Variants in RALYL observed in about 807,000 individuals in gnomAD.
RALYL encodes the protein RALY RNA binding protein like.
A neutral mutation model predicts 35.1 loss-of-function variants in RALYL; 29 were observed. The ratio of observed to expected loss-of-function variants is 0.83; its 90% CI spans 0.61 to 1.13. The LOEUF (loss-of-function observed/expected upper bound fraction) is 1.13, where lower values mean the gene tolerates loss of function less well. Ranked by LOEUF, RALYL falls within the 50% of genes most tolerant of loss-of-function variation. The pLI is 0.00. For synonymous variants in RALYL, 120 were observed against 127.6 expected (o/e 0.94, Z 0.40); for missense variants, 359 against 360.4 (o/e 1.00, Z 0.03).
intron 7 of RALYL, among the ~76,000 whole-genome samples, chr8:84,878,290 G>A (rs1841547173): frequency 6.6e-6 from 1 of 152,146 alleles, no homozygotes; most frequent in South Asian, 2.1e-4. Flanking sequence ...CTGTAGAAAT[G>A]CCCACCTTCT....
chr8:84,496,559 A>T (rs1409610416), intron 1 of RALYL, among the ~76,000 whole-genome samples: 1 of 152,166 alleles, frequency 6.6e-6, no homozygotes, highest in Admixed American at 6.5e-5. Context: ...ATACACTTAA[A>T]TCATTTGGAA....
At chr8:84,617,929 C>T (rs1252557941) in intron 2 of RALYL, among the ~76,000 whole-genome samples, 1 of 151,800 alleles carries the variant, frequency 6.6e-6, no homozygotes, top group Non-Finnish European at 1.5e-5. Flanking sequence ...AGCCTTGCAT[C>T]CCAGGGATGA....
intron 2 of RALYL, among the ~76,000 whole-genome samples, chr8:84,729,482 G>A (rs1845692510): frequency 6.6e-6 from 1 of 151,932 alleles, no homozygotes; most frequent in African/African-American, 2.4e-5. Flanking sequence ...AACTAGAAAA[G>A]CAAGAGCAAA....
chr8:84,310,590 A>G, intron 1 of RALYL, among the ~76,000 whole-genome samples: 1 of 152,168 alleles, frequency 6.6e-6, no homozygotes, highest in East Asian at 1.9e-4. Context: ...GAGCAAAATA[A>G]TATAAACAAG....
chr8:84,238,457 G>T (rs1023598211), intron 1 of RALYL, among the ~76,000 whole-genome samples: 1 of 151,948 alleles, frequency 6.6e-6, no homozygotes, highest in Non-Finnish European at 1.5e-5. Flanking sequence ...GATGCCACAT[G>T]CATCCTAGGT....
At chr8:84,594,959 T>C (rs1462312167) in intron 2 of RALYL, among the ~76,000 whole-genome samples, 2 of 152,074 alleles carry the variant, frequency 1.3e-5, no homozygotes, top group Admixed American at 6.6e-5. Context: ...TAACATCTTA[T>C]ATCATTGACA....
chr8:84,688,690 A>G (rs551594138), intron 2 of RALYL, among the ~76,000 whole-genome samples: 78 of 152,288 alleles, frequency 5.1e-4, no homozygotes, highest in South Asian at 1.0e-3. Flanking sequence ...CTATAACCCC[A>G]AAAGCAAAGG....
chr8:84,901,265 C>T (rs548194221), intron 8 of RALYL, among the ~76,000 whole-genome samples: 4 of 152,218 alleles, frequency 2.6e-5, no homozygotes, highest in South Asian at 2.1e-4. Flanking sequence ...GGAAAAACTC[C>T]GTCTAAAGTT....
chr8:84,469,963 T>C (rs1252767021), intron 1 of RALYL, among the ~76,000 whole-genome samples: 1 of 152,154 alleles, frequency 6.6e-6, no homozygotes, highest in Non-Finnish European at 1.5e-5. Flanking sequence ...CCCCTTGCGC[T>C]TCCCAAGTGA....
At chr8:84,910,403 A>G (rs776207211) in intron 8 of RALYL, among the ~76,000 whole-genome samples, 98 of 152,104 alleles carry the variant, frequency 6.4e-4, no homozygotes, top group Admixed American at 2.0e-3. Flanking sequence ...ACATGATCTA[A>G]TATCAACAGG....
chr8:84,583,457 A>G (rs1412827689), intron 2 of RALYL, among the ~76,000 whole-genome samples: 1 of 152,182 alleles, frequency 6.6e-6, no homozygotes, highest in Non-Finnish European at 1.5e-5. Flanking sequence ...AGTGTATTCA[A>G]TAATTTTCAG....
chr8:84,841,140 G>A (rs1256661966), intron 4 of RALYL, among the ~76,000 whole-genome samples: 21 of 151,870 alleles, frequency 1.4e-4, no homozygotes, highest in African/African-American at 4.6e-4. Flanking sequence ...ATGTAAATGG[G>A]CTAAATGCTC....
At chr8:84,426,664 A>G (rs1044342013) in intron 1 of RALYL, among the ~76,000 whole-genome samples, 1 of 152,176 alleles carries the variant, frequency 6.6e-6, no homozygotes, top group African/African-American at 2.4e-5. Flanking sequence ...AGACCTGACT[A>G]GACATTTTTT....
intron 2 of RALYL, among the ~76,000 whole-genome samples, chr8:84,582,392 A>C (rs529173496): frequency 6.6e-6 from 1 of 152,042 alleles, no homozygotes; most frequent in East Asian, 1.9e-4. Flanking sequence ...CAAATGCATG[A>C]TCTGTAATGA....
chr8:84,845,895 GTCCTT>G, intron 4 of RALYL, among the ~76,000 whole-genome samples: 1 of 152,054 alleles, frequency 6.6e-6, no homozygotes, highest in Admixed American at 6.6e-5. Context: ...TGACTAGGGA[GTCCTT>G]TCCTTATTGC....
intron 1 of RALYL, among the ~76,000 whole-genome samples, chr8:84,389,057 A>T (rs1322724369): frequency 6.6e-6 from 1 of 152,134 alleles, no homozygotes; most frequent in Non-Finnish European, 1.5e-5. Context: ...AGCTTTCTAT[A>T]TGTGGCTAGC....
At chr8:84,801,742 G>C (rs772856868) in intron 3 of RALYL, among the ~76,000 whole-genome samples, 7 of 152,170 alleles carry the variant, frequency 4.6e-5, no homozygotes, top group Non-Finnish European at 2.9e-5. Context: ...TGTTTAGTTA[G>C]AGAAGCAGTA....
chr8:84,399,383 A>G (rs1244992445), intron 1 of RALYL, among the ~76,000 whole-genome samples: 1 of 152,202 alleles, frequency 6.6e-6, no homozygotes, highest in Non-Finnish European at 1.5e-5. Context: ...CCATGTCCTT[A>G]AAGACTACCA....
chr8:84,445,780 ATTCTATAT>A lies in RALYL; in HGVS notation c.-23-83514_-23-83507del, dbSNP rs556851683. Among the ~76,000 whole-genome samples the A allele has an allele frequency of 1.1e-4, 17 of 151,602 alleles. No individual in the cohort carries two copies. The East Asian group carries it at 3.3e-3, about 30-fold the overall frequency. On this transcript the variant is annotated intron_variant, in intron 1 of 8. Transcript: ENST00000521268. ...GCTCCCTCTTGTGACAACATCAATGATTCTATATTTCTTTTGGAGCCACACTAAGTCAC... is the reference window on the plus strand; with the variant it reads ...GCTCCCTCTTGTGACAACATCAATGATTCTTTTGGAGCCACACTAAGTCAC...
Sources: allele counts gnomAD v4.1 joint callset (sites outside exome capture counted in the v4.1 genomes callset), GRCh38; gene constraint gnomAD v4.1.1; transcripts MANE v1.5; gene names NCBI Gene and HGNC (gene_info 2026-07-23, HGNC 2026-07-21).